The following MECOM variants were observed in gnomAD, a reference collection of about 807,000 sequenced individuals.
MECOM encodes the protein histone-lysine N-methyltransferase MECOM.
In MECOM, 13 loss-of-function variants were observed where a neutral mutation model predicts 116.3. The ratio of observed to expected loss-of-function variants is 0.11; its 90% CI spans 0.07 to 0.18. MECOM has a LOEUF of 0.18. Ranked by LOEUF, MECOM falls within the 10% of genes least tolerant of loss-of-function variation. MECOM has a pLI of 1.00. For missense variants in MECOM, 1,299 were observed against 1,509.0 expected (o/e 0.86, Z 2.31); for synonymous variants, 528 against 535.2 (o/e 0.99, Z 0.19).
At chr3:169,093,850 G>T (rs1720641571) in intron 13 of MECOM, among the ~76,000 whole-genome samples, 1 of 152,134 alleles carries the variant, frequency 6.6e-6, no homozygotes, top group African/African-American at 2.4e-5. Context: ...CAAAGTATCT[G>T]TAATATAATA....
At chr3:169,170,777 C>T (rs1358326076) in intron 2 of MECOM, among the ~76,000 whole-genome samples, 1 of 152,128 alleles carries the variant, frequency 6.6e-6, no homozygotes, top group Admixed American at 6.5e-5. Flanking sequence ...CACTGTTGAA[C>T]TCAACAGCCG....
At chr3:169,202,921 T>C (rs1431649731) in intron 2 of MECOM, among the ~76,000 whole-genome samples, 1 of 151,938 alleles carries the variant, frequency 6.6e-6, no homozygotes, top group Non-Finnish European at 1.5e-5. Context: ...AGGTGTATAT[T>C]CTTGAAATGT....
At chr3:169,332,345 A>G (rs1396068561) in intron 2 of MECOM, among the ~76,000 whole-genome samples, 1 of 152,156 alleles carries the variant, frequency 6.6e-6, no homozygotes, top group African/African-American at 2.4e-5. Flanking sequence ...CAAGTTTATA[A>G]GATGGGATGT....
intron 1 of MECOM, among the ~76,000 whole-genome samples, chr3:169,521,313 T>C (rs1386568078): frequency 2.0e-5 from 3 of 152,198 alleles, no homozygotes; most frequent in Non-Finnish European, 4.4e-5. Flanking sequence ...GGTAAGTGTC[T>C]TGATTATTTT....
At chr3:169,316,604 G>A (rs1472970344) in intron 2 of MECOM, among the ~76,000 whole-genome samples, 1 of 152,152 alleles carries the variant, frequency 6.6e-6, no homozygotes, top group African/African-American at 2.4e-5. Flanking sequence ...AGACTGGAGT[G>A]CAGTAGCATG....
At chr3:169,565,828 C>A (rs976516974) in intron 1 of MECOM, 1 of 357,600 alleles carries the variant, frequency 2.8e-6, no homozygotes, top group Non-Finnish European at 5.5e-6. Flanking sequence ...CCAACAGGGG[C>A]ATATGAGGGA....
intron 1 of MECOM, among the ~76,000 whole-genome samples, chr3:169,530,398 G>A (rs1215810932): frequency 6.6e-6 from 1 of 152,186 alleles, no homozygotes; most frequent in Non-Finnish European, 1.5e-5. Flanking sequence ...TTATGTGTTT[G>A]AGGGATGCAA....
chr3:169,468,369 G>A (rs1034915185), intron 1 of MECOM, among the ~76,000 whole-genome samples: 11 of 152,000 alleles, frequency 7.2e-5, no homozygotes, highest in African/African-American at 2.2e-4. Context: ...GTACAAACAC[G>A]TACTTAATTC....
intron 2 of MECOM, among the ~76,000 whole-genome samples, chr3:169,304,561 T>G (rs1438620929): frequency 1.3e-5 from 2 of 152,202 alleles, no homozygotes; most frequent in Non-Finnish European, 1.5e-5. Flanking sequence ...AGTGCTTTCC[T>G]TATATTTTAA....
chr3:169,138,997 G>A (rs542814525), intron 3 of MECOM, among the ~76,000 whole-genome samples: 2 of 152,028 alleles, frequency 1.3e-5, no homozygotes, highest in African/African-American at 4.8e-5. Context: ...AGCTAGGATC[G>A]TCCTGGAAGC....
chr3:169,401,226 G>T (rs1214262871), intron 1 of MECOM, among the ~76,000 whole-genome samples: 1 of 152,148 alleles, frequency 6.6e-6, no homozygotes, highest in Non-Finnish European at 1.5e-5. Flanking sequence ...TTCCATGGAT[G>T]CAGTAGACAA....
chr3:169,362,171 A>G (rs950695147), intron 2 of MECOM, among the ~76,000 whole-genome samples: 1 of 151,978 alleles, frequency 6.6e-6, no homozygotes, highest in Non-Finnish European at 1.5e-5. Flanking sequence ...CAGTTTTGCC[A>G]TTAAAAGTAA....
At position 169,116,521 on chromosome 3, in the gene MECOM, T is replaced by C. The variant is rs1039043054; in HGVS notation, c.1351A>G (p.Met451Val). 2 of 1,614,114 alleles carry C rather than the reference T, an allele frequency of 1.2e-6. No individual in the cohort carries two copies. Among genetic ancestry groups the C allele is most frequent in the East Asian group, 2.2e-5 (1 of 44,874 alleles). ...QGISLPGTPA[M>V]DKTSMVNMSH... ...ATATTAACCATGGACGTTTTATCCATAGCTGGGGTTCCAGGAAGTGAAATG... is the reference window on the plus strand; with the variant it reads ...ATATTAACCATGGACGTTTTATCCACAGCTGGGGTTCCAGGAAGTGAAATG... The change falls in exon 8 of 17, where the codon ATG becomes GTG. Residue 451 changes from methionine (M) to valine (V), a missense_variant. Physicochemically the swap from Met to Val is conservative, Grantham distance 21. Around this residue, in one of 6 missense-constraint regions of MECOM, gnomAD observed 238 missense variants for 273.1 expected, o/e 0.87. Transcript: ENST00000651503.
intron 2 of MECOM, among the ~76,000 whole-genome samples, chr3:169,249,179 C>T (rs1040244742): frequency 6.6e-6 from 1 of 152,114 alleles, no homozygotes; most frequent in Non-Finnish European, 1.5e-5. Context: ...GATTGTTGAA[C>T]GAGTGGGCGA....
intron 2 of MECOM, among the ~76,000 whole-genome samples, chr3:169,312,537 T>G (rs1718995277): frequency 6.6e-6 from 1 of 151,854 alleles, no homozygotes; most frequent in African/African-American, 2.4e-5. Context: ...CCCGGCTAAT[T>G]TTTTGTATTT....
chr3:169,339,844 G>T (rs1191182072), intron 2 of MECOM, among the ~76,000 whole-genome samples: 2 of 152,162 alleles, frequency 1.3e-5, no homozygotes, highest in Non-Finnish European at 2.9e-5. Context: ...TATCACATGT[G>T]ATTTCTCTAA....
rs534707075 is a variant in MECOM, at chr3:169,517,385, A to T, written c.38-135861T>A. Among the ~76,000 whole-genome samples, 14 of 152,316 alleles carry T rather than the reference A, an allele frequency of 9.2e-5. No individual in the cohort carries two copies. The South Asian group carries it at 2.7e-3, about 29-fold the overall frequency. ...ATCTAAGCATGGTAATTTTCTTACT[A>T]CTTTTAAGCAGATTGTATCTCTGAA... On this transcript the variant is annotated intron_variant, in intron 1 of 16. Coordinates refer to ENST00000651503, the MANE Select transcript of MECOM (RefSeq NM_004991.4).
intron 2 of MECOM, among the ~76,000 whole-genome samples, chr3:169,230,976 T>G (rs1399904019): frequency 2.0e-5 from 3 of 152,146 alleles, no homozygotes; most frequent in African/African-American, 7.2e-5. Flanking sequence ...TAACTTGCCA[T>G]TCATAGACGT....
At chr3:169,310,420 A>G (rs1359151962) in intron 2 of MECOM, among the ~76,000 whole-genome samples, 1 of 152,170 alleles carries the variant, frequency 6.6e-6, no homozygotes, top group Non-Finnish European at 1.5e-5. Flanking sequence ...GTCTCAACCT[A>G]ATAGTTTTAT....
Sources: gnomAD v4.1 joint callset for allele counts (sites outside exome capture counted in the v4.1 genomes callset) on GRCh38, gnomAD v4.1.1 for gene constraint, gnomAD v4.1.1 regional missense constraint, MANE v1.5 for transcripts, NCBI Gene and HGNC (gene_info 2026-07-23, HGNC 2026-07-21) for gene names.